Variants in SCP2 observed in about 807,000 individuals in gnomAD.
SCP2 encodes the protein SCP-2/3-oxoacyl-CoA thiolase.
In SCP2, 48 loss-of-function variants were observed where a neutral mutation model predicts 71.4. That is an observed-to-expected ratio of 0.67 (90% CI 0.53 to 0.86). The LOEUF (loss-of-function observed/expected upper bound fraction) is 0.86, where lower values mean the gene tolerates loss of function less well. Among genes scored for constraint, SCP2 ranks in the 40% least tolerant of loss-of-function variants. The probability of loss-of-function intolerance (pLI) is 0.00; values close to 1 mark genes in which losing one functional copy is unlikely to be tolerated. For synonymous variants in SCP2, 220 were observed against 218.1 expected (o/e 1.01, Z -0.08); for missense variants, 560 against 655.6 (o/e 0.85, Z 1.59).
At chr1:53,029,542 T>C (rs1294641214) in intron 13 of SCP2, among the ~76,000 whole-genome samples, 3 of 152,192 alleles carry the variant, frequency 2.0e-5, no homozygotes, top group African/African-American at 7.2e-5. Flanking sequence ...AAATAGAATG[T>C]TTAAACTGTA....
Position 52,947,993 on chromosome 1 carries a change from C to T in SCP2, c.128-16C>T, listed in dbSNP as rs1357464444. 6.3e-7 allele frequency: 1 copy of T among 1,595,248 alleles called. No individual in the cohort carries two copies. The highest frequency in any genetic ancestry group is 2.2e-5 in the East Asian group (1 of 44,746). On this transcript the variant is annotated splice_polypyrimidine_tract_variant and intron_variant, in intron 2 of 15. Transcript: ENST00000371514. ...TACTTAAAGCACTTTTTGATAAAAACCTTTCGTTTTTATAGGCAAGAAGGC... is the reference window on the plus strand; with the variant it reads ...TACTTAAAGCACTTTTTGATAAAAATCTTTCGTTTTTATAGGCAAGAAGGC...
Position 52,954,761 on chromosome 1 carries a change from C to T in SCP2, c.353C>T (p.Ala118Val), listed in dbSNP as rs1313016972. ...IQGGVAECVL[A>V]LGFEKMSKGS... ...TAAGGTGTGGCAGAATGTGTCTTGGCTCTTGGGTTTGAGAAGATGAGTAAG... is the reference window on the plus strand; with the variant it reads ...TAAGGTGTGGCAGAATGTGTCTTGGTTCTTGGGTTTGAGAAGATGAGTAAG... The change falls in exon 5 of 16, where the codon GCT (alanine) becomes GTT (valine). Residue 118 changes from alanine (A) to valine (V), a missense_variant. Coordinates refer to ENST00000371514, the MANE Select transcript of SCP2 (RefSeq NM_002979.5). 6.2e-7 allele frequency: 1 copy of T among 1,613,616 alleles called. No individual in the cohort carries two copies. The highest frequency in any genetic ancestry group is 8.5e-7 in the Non-Finnish European group (1 of 1,179,718).
At chr1:52,972,230 C>T (rs1212826674) in intron 6 of SCP2, among the ~76,000 whole-genome samples, 2 of 152,142 alleles carry the variant, frequency 1.3e-5, no homozygotes, top group East Asian at 3.8e-4. Flanking sequence ...TTTGTGGTTT[C>T]ATAATTAAAT....
intron 11 of SCP2, among the ~76,000 whole-genome samples, chr1:52,990,733 C>CAAA (rs61221989): frequency 1.1e-4 from 7 of 62,418 alleles, no homozygotes; most frequent in Admixed American, 2.5e-4. Context: ...GACTCCGTCT[C>CAAA]AAAAAAAAAA....
intron 11 of SCP2, among the ~76,000 whole-genome samples, chr1:53,002,201 C>G (rs950426741): frequency 3.4e-5 from 5 of 147,112 alleles, no homozygotes; most frequent in Non-Finnish European, 6.0e-5. Context: ...AAAAAAAAAA[C>G]AAAGAAAGAA....
chr1:52,967,312 T>C (rs1237390283), intron 6 of SCP2, among the ~76,000 whole-genome samples: 2 of 152,188 alleles, frequency 1.3e-5, no homozygotes, highest in East Asian at 3.8e-4. Context: ...TTCTTTCTTT[T>C]TGGCTTGGTA....
rs756257264 is a variant in SCP2, at chr1:52,978,171, G to A, written c.675-46G>A. 25 of 1,591,118 alleles carry A rather than the reference G, an allele frequency of 1.6e-5. No individual in the cohort carries two copies. In the East Asian group the frequency reaches 3.8e-4, roughly 24 times the overall value. On this transcript the variant is annotated intron_variant, in intron 8 of 15. Transcript: ENST00000371514. ...AGTAACTCCTAGTCTGAAATCCTCC[G>A]ATCAGGTGCTACTGGGTGTGGAGAA...
chr1:52,988,014 T>G lies in SCP2; in HGVS notation c.974-15T>G. ...TTACTATTAATATTTGTGAATACTA[T>G]TTTTTCTTCTATAGGACAAGGTGCA... On this transcript the variant is annotated splice_polypyrimidine_tract_variant and intron_variant, in intron 10 of 15. Transcript: ENST00000371514. 1 of 1,299,164 alleles carries G rather than the reference T, an allele frequency of 7.7e-7. No homozygotes were observed. The highest frequency in any genetic ancestry group is 2.3e-5 in the East Asian group (1 of 43,382). 80.5% of individuals were successfully genotyped at this position (1,299,164 alleles called of 1,614,324 possible).
At chr1:53,015,990 A>G (rs1484476501) in intron 12 of SCP2, among the ~76,000 whole-genome samples, 1 of 152,082 alleles carries the variant, frequency 6.6e-6, no homozygotes, top group Non-Finnish European at 1.5e-5. Context: ...TTATTTAATC[A>G]TTTATTCACA....
intron 12 of SCP2, among the ~76,000 whole-genome samples, chr1:53,021,495 A>T (rs1242206723): frequency 6.9e-6 from 1 of 144,280 alleles, no homozygotes; most frequent in African/African-American, 2.6e-5. Flanking sequence ...TAATTTTTGT[A>T]TTTTTAGTAG....
In SCP2 at chr1:52,982,022, T is replaced by C. The variant is rs143791815; in HGVS notation, c.973+1479T>C. On this transcript the variant is annotated intron_variant, in intron 10 of 15. Coordinates refer to ENST00000371514, the MANE Select transcript of SCP2 (RefSeq NM_002979.5). ...ATTTTTAGTATGCCATTTCAACTTA[T>C]CGATTGTTTTTTTCACCATATCTCT... Among the ~76,000 whole-genome samples the C allele has an allele frequency of 5.3e-3, 805 of 152,260 alleles. 2 individuals are homozygous for C. In the Middle Eastern group the frequency reaches 0.054, roughly 10 times the overall value.
intron 10 of SCP2, among the ~76,000 whole-genome samples, chr1:52,986,363 T>C (rs1404839520): frequency 6.6e-6 from 1 of 152,220 alleles, no homozygotes; most frequent in Non-Finnish European, 1.5e-5. Context: ...AGTTTGTAAG[T>C]AGCAATAGTA....
intron 6 of SCP2, among the ~76,000 whole-genome samples, chr1:52,965,597 C>T (rs1404752891): frequency 2.0e-5 from 3 of 152,026 alleles, no homozygotes; most frequent in Admixed American, 1.3e-4. Context: ...GGTGTTATAT[C>T]CTCCAAGGTG....
chr1:52,927,277 C>G lies in SCP2; in HGVS notation c.-120C>G. 1.3e-6 allele frequency: 1 copy of G among 753,962 alleles called. No individual in the cohort carries two copies. Among genetic ancestry groups the G allele is most frequent in the Non-Finnish European group, 2.2e-6 (1 of 448,872 alleles). The allele number at this position is 753,962 out of a possible 1,614,324, so 46.7% of individuals were successfully genotyped here. A position where few individuals can be genotyped will look rare whatever the true frequency, so the allele number is the denominator to read the frequency against. On this transcript the variant is annotated 5_prime_UTR_variant, in exon 1 of 16. Transcript: ENST00000371514. ...CTGCCCCTACGCACGCGCACTCTCA[C>G]GCGCCTGTGTTGCCGCCCGCGGCCC...
chr1:52,957,340 T>A (rs1171032232), intron 5 of SCP2, among the ~76,000 whole-genome samples: 1 of 152,254 alleles, frequency 6.6e-6, no homozygotes, highest in Non-Finnish European at 1.5e-5. Context: ...TAAGCATTCA[T>A]ATGCATATAC....
At chr1:53,029,350 A>G (rs1290858956) in intron 13 of SCP2, among the ~76,000 whole-genome samples, 1 of 150,296 alleles carries the variant, frequency 6.7e-6, no homozygotes, top group Non-Finnish European at 1.5e-5. Flanking sequence ...TGCAGCCTTG[A>G]GCCCCTGGGC....
chr1:52,950,185 G>T (rs144512957), intron 3 of SCP2, among the ~76,000 whole-genome samples: 1 of 151,928 alleles, frequency 6.6e-6, no homozygotes, highest in South Asian at 2.1e-4. Flanking sequence ...GCAGTGGTGC[G>T]ATCTAGGCTC....
At chr1:53,038,887 A>T (rs1557629008) in intron 13 of SCP2, 30 bp from the exon 14 acceptor site, 1 of 1,613,068 alleles carries the variant, frequency 6.2e-7, no homozygotes, top group Middle Eastern at 1.8e-4. Context: ...AATGGACTTA[A>T]TGTAACCCCA....
intron 11 of SCP2, among the ~76,000 whole-genome samples, chr1:53,010,779 A>G (rs1660937667): frequency 6.6e-6 from 1 of 152,194 alleles, no homozygotes; most frequent in Non-Finnish European, 1.5e-5. Flanking sequence ...AAGTATAACA[A>G]TAAAAAAAGG....
Sources: gnomAD v4.1 joint callset for allele counts (sites outside exome capture counted in the v4.1 genomes callset) on GRCh38, gnomAD v4.1.1 for gene constraint, MANE v1.5 for transcripts, NCBI Gene and HGNC (gene_info 2026-07-23, HGNC 2026-07-21) for gene names.